The following WWOX variants were observed in gnomAD, a reference collection of about 807,000 sequenced individuals.
WWOX encodes the protein WW domain containing oxidoreductase, also known as WW domain-containing oxidoreductase.
In WWOX, 69 loss-of-function variants were observed where a neutral mutation model predicts 46.2. That is an observed-to-expected ratio of 1.49 (90% CI 1.23 to 1.82). The LOEUF is 1.82. Among genes scored for constraint, WWOX ranks in the 40% most tolerant of loss-of-function variants. The pLI, the probability that WWOX is intolerant of heterozygous loss-of-function variation, is 0.00. For synonymous variants in WWOX, 359 were observed against 202.6 expected, an observed-to-expected ratio of 1.77 and a Z score of -6.56; for missense variants, 919 against 542.6, an observed-to-expected ratio of 1.69 and a Z score of -6.89.
intron 8 of WWOX, among the ~76,000 whole-genome samples, chr16:78,734,392 A>C (rs190721304): frequency 6.6e-5 from 10 of 152,244 alleles, no homozygotes; most frequent in Non-Finnish European, 1.5e-5. Context: ...CACCTTCCCT[A>C]TGATAGCCCT....
At chr16:78,882,177 T>C (rs1037281534) in intron 8 of WWOX, among the ~76,000 whole-genome samples, 1 of 152,356 alleles carries the variant, frequency 6.6e-6, no homozygotes, top group African/African-American at 2.4e-5. Flanking sequence ...TTTTGTGACT[T>C]ATTTTTAATT....
chr16:78,482,796 G>A (rs1403535546), intron 8 of WWOX, among the ~76,000 whole-genome samples: 2 of 152,150 alleles, frequency 1.3e-5, no homozygotes, highest in Admixed American at 6.5e-5. Context: ...GACGCAGAAC[G>A]TATGTTTCAT....
At chr16:78,454,342 A>G (rs1597107571) in intron 8 of WWOX, among the ~76,000 whole-genome samples, 3 of 106,526 alleles carry the variant, frequency 2.8e-5, no homozygotes, top group African/African-American at 1.2e-4. Flanking sequence ...CAATACATTT[A>G]TACTTATGTA....
intron 8 of WWOX, among the ~76,000 whole-genome samples, chr16:78,564,652 C>T (rs908982743): frequency 1.3e-5 from 2 of 152,158 alleles, no homozygotes; most frequent in African/African-American, 4.8e-5. Context: ...ATATTCCCTT[C>T]TTTTATCTGG....
At chr16:78,164,530 GT>G (rs2151735856) in intron 5 of WWOX, among the ~76,000 whole-genome samples, 1 of 152,274 alleles carries the variant, frequency 6.6e-6, no homozygotes, top group South Asian at 2.1e-4. Context: ...GTTTGAGAAT[GT>G]TTCTTCCTTT....
chr16:78,760,430 C>A (rs533255134), intron 8 of WWOX, among the ~76,000 whole-genome samples: 5 of 152,116 alleles, frequency 3.3e-5, no homozygotes, highest in African/African-American at 4.8e-5. Context: ...ATCACACTTG[C>A]ATTTGATTTT....
chr16:79,173,572 C>G (rs569807708), intron 8 of WWOX, among the ~76,000 whole-genome samples: 2 of 151,970 alleles, frequency 1.3e-5, no homozygotes, highest in Non-Finnish European at 2.9e-5. Context: ...GCTCACAACA[C>G]TCACAGTCAA....
intron 8 of WWOX, among the ~76,000 whole-genome samples, chr16:78,610,045 G>A (rs1054958694): frequency 2.1e-5 from 3 of 145,704 alleles, no homozygotes; most frequent in Non-Finnish European, 4.5e-5. Context: ...CTGAATGTCC[G>A]ATTGCGATCT....
intron 5 of WWOX, among the ~76,000 whole-genome samples, chr16:78,363,417 G>GT (rs1316644145): frequency 6.8e-6 from 1 of 147,214 alleles, no homozygotes; most frequent in Admixed American, 6.9e-5. Flanking sequence ...GGGACCACAG[G>GT]TGCACACCAC....
At chr16:78,990,126 G>A (rs1211432259) in intron 8 of WWOX, among the ~76,000 whole-genome samples, 3 of 150,910 alleles carry the variant, frequency 2.0e-5, no homozygotes, top group African/African-American at 7.3e-5. Flanking sequence ...CTAGGCTGCA[G>A]TGAGCCATGA....
At chr16:79,051,791 C>A (rs997905045) in intron 8 of WWOX, among the ~76,000 whole-genome samples, 2 of 152,190 alleles carry the variant, frequency 1.3e-5, no homozygotes, top group Non-Finnish European at 2.9e-5. Context: ...ATTCAAAGAC[C>A]TGTGCTAACA....
intron 8 of WWOX, among the ~76,000 whole-genome samples, chr16:79,005,147 T>C (rs2047166389): frequency 6.6e-6 from 1 of 152,092 alleles, no homozygotes; most frequent in East Asian, 1.9e-4. Context: ...TGTCTGGCCT[T>C]TCTCTTTTGC....
At chr16:78,390,235 T>C (rs1448276597) in intron 6 of WWOX, among the ~76,000 whole-genome samples, 1 of 152,242 alleles carries the variant, frequency 6.6e-6, no homozygotes, top group African/African-American at 2.4e-5. Flanking sequence ...CAGAATGTGT[T>C]GGAAGTGAGC....
chr16:78,760,591 T>A (rs1351535115), intron 8 of WWOX, among the ~76,000 whole-genome samples: 1 of 152,152 alleles, frequency 6.6e-6, no homozygotes, highest in Non-Finnish European at 1.5e-5. Flanking sequence ...GGGTTTTGTG[T>A]CTGTGTCTCC....
chr16:79,017,731 A>G (rs1597283094), intron 8 of WWOX, among the ~76,000 whole-genome samples: 2 of 152,168 alleles, frequency 1.3e-5, no homozygotes, highest in South Asian at 2.1e-4. Context: ...AAACCAGTCT[A>G]AAAAAGCCAT....
At chr16:79,208,631 A>ATTT (rs57795116) in intron 8 of WWOX, among the ~76,000 whole-genome samples, 65,481 of 150,972 alleles carry the variant, frequency 0.43, 15,328 homozygotes, top group Non-Finnish European at 0.55. Flanking sequence ...TGCTCTTTAA[A>ATTT]TTTTTTTTTT....
At chr16:78,747,326 A>T (rs1567533100) in intron 8 of WWOX, among the ~76,000 whole-genome samples, 1 of 151,670 alleles carries the variant, frequency 6.6e-6, no homozygotes, top group Admixed American at 6.6e-5. Context: ...CAAATTGCTG[A>T]GAGTACAGGC....
intron 8 of WWOX, among the ~76,000 whole-genome samples, chr16:78,803,409 T>A (rs1000522456): frequency 6.6e-6 from 1 of 152,174 alleles, no homozygotes; most frequent in African/African-American, 2.4e-5. Context: ...ATGGAGGTTT[T>A]AAATTTGTGC....
chr16:79,160,888 TATAC>T (rs1247712563), intron 8 of WWOX, among the ~76,000 whole-genome samples: 1 of 26,574 alleles, frequency 3.8e-5, no homozygotes, highest in Non-Finnish European at 5.9e-5. Context: ...TACATACACA[TATAC>T]ATATACACAT....
Sources: gnomAD v4.1 joint callset for allele counts (sites outside exome capture counted in the v4.1 genomes callset) on GRCh38, gnomAD v4.1.1 for gene constraint, MANE v1.5 for transcripts, NCBI Gene and HGNC (gene_info 2026-07-23, HGNC 2026-07-21) for gene names.